Variants in TMEM232 observed in about 807,000 individuals in gnomAD.
TMEM232 encodes the protein transmembrane protein 232.
TMEM232 carries 80 observed loss-of-function variants against 78.8 expected under a neutral mutation model. That is an observed-to-expected ratio of 1.01 (90% CI 0.85 to 1.22). TMEM232 has a LOEUF of 1.22. TMEM232 is among the 50% of genes most tolerant of loss of function. TMEM232 has a pLI of 0.00. For missense variants in TMEM232, 881 were observed against 742.2 expected (o/e 1.19, Z -2.17); for synonymous variants, 297 against 254.3 (o/e 1.17, Z -1.60).
At chr5:110,653,922 C>T (rs921783791) in intron 2 of TMEM232, among the ~76,000 whole-genome samples, 3 of 152,008 alleles carry the variant, frequency 2.0e-5, no homozygotes, top group Non-Finnish European at 2.9e-5. Context: ...CAGTGATGAT[C>T]AAAGCCTTAA....
chr5:110,454,743 A>G (rs1308676960), intron 12 of TMEM232, among the ~76,000 whole-genome samples: 2 of 152,094 alleles, frequency 1.3e-5, no homozygotes, highest in Non-Finnish European at 2.9e-5. Context: ...TTAGAAAAAA[A>G]ACCTCTTGAA....
chr5:110,626,010 TA>T (rs1054474777), intron 6 of TMEM232, among the ~76,000 whole-genome samples: 1 of 151,936 alleles, frequency 6.6e-6, no homozygotes, highest in African/African-American at 2.4e-5. Flanking sequence ...TCCATCCACA[TA>T]ATGGAAAAAT....
In TMEM232 at chr5:110,610,240, A is replaced by AAGGGAGGAAGGGAGGAAGGG. The variant is rs143271786; in HGVS notation, c.903-3954_903-3953insCCCTTCCTCCCTTCCTCCCT. 1.9e-4 allele frequency among the ~76,000 whole-genome samples: 13 copies of AAGGGAGGAAGGGAGGAAGGG among 70,172 alleles called. No homozygotes were observed. In the Admixed American group the frequency reaches 1.9e-3, roughly 10 times the overall value. The allele number at this position is 70,172 out of a possible 152,430, so 46.0% of individuals were successfully genotyped here. A position where few individuals can be genotyped will look rare whatever the true frequency, so the allele number is the denominator to read the frequency against. Reference sequence around the variant, plus strand: ...GAAGGGAGGGAGGGAAAAAGAAAGGAAGGAAGGGAGGAAGGGAGGAAGGGA... The same window carrying AAGGGAGGAAGGGAGGAAGGG: ...GAAGGGAGGGAGGGAAAAAGAAAGGAAGGGAGGAAGGGAGGAAGGGAGGAAGGGAGGAAGGGAGGAAGGGA... On this transcript the variant is annotated intron_variant, in intron 8 of 13. Coordinates refer to ENST00000455884, the MANE Select transcript of TMEM232 (RefSeq NM_001039763.4).
At chr5:110,614,601 A>C (rs1782705774) in intron 8 of TMEM232, among the ~76,000 whole-genome samples, 1 of 152,094 alleles carries the variant, frequency 6.6e-6, no homozygotes, top group Non-Finnish European at 1.5e-5. Context: ...AATCAGCTAC[A>C]TTTACTGTTT....
intron 12 of TMEM232, among the ~76,000 whole-genome samples, chr5:110,520,407 C>G (rs925902947): frequency 2.6e-5 from 4 of 151,902 alleles, no homozygotes; most frequent in Non-Finnish European, 5.9e-5. Flanking sequence ...AAAAAGAAAA[C>G]TTCCAAAGAA....
chr5:110,658,977 C>T (rs148921014), intron 2 of TMEM232, among the ~76,000 whole-genome samples: 1 of 152,108 alleles, frequency 6.6e-6, no homozygotes, highest in Admixed American at 6.5e-5. Context: ...GCAAGGACAA[C>T]CCTTCTTGGG....
intron 1 of TMEM232, among the ~76,000 whole-genome samples, chr5:110,686,817 A>G (rs889904312): frequency 1.3e-5 from 2 of 152,262 alleles, no homozygotes; most frequent in African/African-American, 4.8e-5. Flanking sequence ...AAGTTCAAAA[A>G]CAATGTAGGG....
chr5:110,614,528 G>T (rs1342203964), intron 8 of TMEM232, among the ~76,000 whole-genome samples: 2 of 152,040 alleles, frequency 1.3e-5, no homozygotes, highest in African/African-American at 4.8e-5. Flanking sequence ...AGACGTGGAT[G>T]CAATACAGCA....
chr5:110,590,295 C>T (rs1480063268), intron 10 of TMEM232, among the ~76,000 whole-genome samples: 1 of 152,020 alleles, frequency 6.6e-6, no homozygotes, highest in African/African-American at 2.4e-5. Flanking sequence ...AGTTCTACTC[C>T]TGTATCAGAT....
intron 10 of TMEM232, among the ~76,000 whole-genome samples, chr5:110,591,914 T>C (rs946268971): frequency 6.6e-6 from 1 of 152,162 alleles, no homozygotes; most frequent in Admixed American, 6.6e-5. Flanking sequence ...AATAAGTATT[T>C]TGAAAAAGCC....
At chr5:110,568,340 T>C in intron 11 of TMEM232, 107 bp downstream of exon 11, 1 of 1,014,230 alleles carries the variant, frequency 9.9e-7, no homozygotes, top group Non-Finnish European at 1.4e-6. Flanking sequence ...CACCTGTAAG[T>C]CATTAATACT....
At chr5:110,546,874 T>G (rs1422749369) in intron 11 of TMEM232, among the ~76,000 whole-genome samples, 1 of 151,960 alleles carries the variant, frequency 6.6e-6, no homozygotes, top group Non-Finnish European at 1.5e-5. Flanking sequence ...AGCAAGTTAT[T>G]AAGGAAATAT....
chr5:110,608,883 C>A (rs555381877), intron 8 of TMEM232, among the ~76,000 whole-genome samples: 2 of 151,984 alleles, frequency 1.3e-5, no homozygotes, highest in African/African-American at 2.4e-5. Flanking sequence ...CAAGTATCAG[C>A]ATATTGACTT....
chr5:110,599,016 AT>A (rs1184815164), intron 10 of TMEM232, among the ~76,000 whole-genome samples: 1 of 151,768 alleles, frequency 6.6e-6, no homozygotes, highest in African/African-American at 2.4e-5. Flanking sequence ...TATAATAATA[AT>A]AAAAAAAAGA....
intron 2 of TMEM232, among the ~76,000 whole-genome samples, chr5:110,401,706 T>C (rs1391321091): frequency 6.6e-6 from 1 of 152,114 alleles, no homozygotes. Flanking sequence ...GCAGAATGTA[T>C]ATTTTTTTTC....
At chr5:110,535,771 G>T (rs937172493) in intron 11 of TMEM232, among the ~76,000 whole-genome samples, 4 of 152,070 alleles carry the variant, frequency 2.6e-5, no homozygotes, top group Admixed American at 1.3e-4. Context: ...TATAATTTTT[G>T]GTAAAACACA....
At chr5:110,549,153 T>C (rs1424761868) in intron 11 of TMEM232, among the ~76,000 whole-genome samples, 1 of 151,896 alleles carries the variant, frequency 6.6e-6, no homozygotes, top group Non-Finnish European at 1.5e-5. Context: ...AAAACACATA[T>C]TAGAAAAGGA....
At chr5:110,497,032 T>A (rs1422472954) in intron 12 of TMEM232, among the ~76,000 whole-genome samples, 1 of 152,038 alleles carries the variant, frequency 6.6e-6, no homozygotes, top group East Asian at 1.9e-4. Flanking sequence ...AGTAAATCAA[T>A]TGACTTAGTG....
chr5:110,517,828 T>C (rs1219708434), intron 12 of TMEM232, among the ~76,000 whole-genome samples: 1 of 152,230 alleles, frequency 6.6e-6, no homozygotes, highest in Non-Finnish European at 1.5e-5. Context: ...TTGCCATTTA[T>C]TTAATGAACT....
Sources: gnomAD v4.1 joint callset for allele counts (sites outside exome capture counted in the v4.1 genomes callset) on GRCh38, gnomAD v4.1.1 for gene constraint, MANE v1.5 for transcripts, NCBI Gene and HGNC (gene_info 2026-07-23, HGNC 2026-07-21) for gene names.